The following GRM5 variants were observed in gnomAD, a reference collection of about 807,000 sequenced individuals.
The protein encoded by GRM5 is glutamate metabotropic receptor 5.
GRM5 carries 19 observed loss-of-function variants against 83.1 expected under a neutral mutation model. The ratio of observed to expected loss-of-function variants is 0.23; its 90% CI spans 0.16 to 0.34. GRM5 has a LOEUF of 0.34. GRM5 is among the 10% of genes least tolerant of loss of function. GRM5 has a pLI of 1.00. For synonymous variants in GRM5, 675 were observed against 633.6 expected (o/e 1.07, Z -0.98); for missense variants, 1,160 against 1,588.3 (o/e 0.73, Z 4.58).
intron 3 of GRM5, among the ~76,000 whole-genome samples, chr11:88,661,441 A>G (rs925232272): frequency 6.6e-6 from 1 of 152,074 alleles, no homozygotes; most frequent in African/African-American, 2.4e-5. Context: ...GAATGTATTC[A>G]TTAGGCTGCA....
At chr11:89,029,059 G>C (rs1333889314) in intron 2 of GRM5, among the ~76,000 whole-genome samples, 4 of 151,580 alleles carry the variant, frequency 2.6e-5, no homozygotes, top group Admixed American at 6.6e-5. Flanking sequence ...GTGTTAGTTT[G>C]CTGAGAATGA....
intron 3 of GRM5, among the ~76,000 whole-genome samples, chr11:88,701,986 G>A (rs1442162219): frequency 6.6e-6 from 1 of 151,878 alleles, no homozygotes; most frequent in African/African-American, 2.4e-5. Context: ...CATTAATGCT[G>A]GCCAGTTGTT....
At chr11:89,050,734 A>G (rs1413702295) in intron 1 of GRM5, among the ~76,000 whole-genome samples, 4 of 152,232 alleles carry the variant, frequency 2.6e-5, no homozygotes, top group Non-Finnish European at 4.4e-5. Flanking sequence ...TAGACTGGAT[A>G]AAGAAAATGT....
intron 2 of GRM5, among the ~76,000 whole-genome samples, chr11:88,927,834 T>C (rs1318055458): frequency 6.6e-6 from 1 of 152,126 alleles, no homozygotes; most frequent in African/African-American, 2.4e-5. Context: ...TTTTAGGACA[T>C]TATTAATAGC....
chr11:89,005,616 T>C (rs991596644), intron 2 of GRM5, among the ~76,000 whole-genome samples: 1 of 152,184 alleles, frequency 6.6e-6, no homozygotes, highest in Non-Finnish European at 1.5e-5. Flanking sequence ...AGCTATAATA[T>C]ATCTATTTTT....
rs139001811 is a variant in GRM5 at position 88,686,224 on chromosome 11, T to G, written c.912-32821A>C. Among the ~76,000 whole-genome samples the G allele has an allele frequency of 6.2e-3, 938 of 152,328 alleles. 12 individuals carry two copies. The highest frequency in any genetic ancestry group is 0.022 in the African/African-American group (898 of 41,578). ...GACCTGGAGTCAAAGGAGATCATTTTGAACCTTTAAAATTTGACTGCCCTG... is the reference window on the plus strand; with the variant it reads ...GACCTGGAGTCAAAGGAGATCATTTGGAACCTTTAAAATTTGACTGCCCTG... On this transcript the variant is annotated intron_variant, in intron 3 of 9. Coordinates refer to ENST00000305447, the MANE Select transcript of GRM5 (RefSeq NM_001143831.3).
At chr11:88,873,671 A>G (rs1588248) in intron 2 of GRM5, among the ~76,000 whole-genome samples, 63,425 of 151,284 alleles carry the variant, frequency 0.42, 13,517 homozygotes, top group East Asian at 0.57. Flanking sequence ...ACAAATGAAA[A>G]TGGAAACCCA....
At chr11:88,737,927 C>A (rs999068910) in intron 3 of GRM5, among the ~76,000 whole-genome samples, 1 of 151,920 alleles carries the variant, frequency 6.6e-6, no homozygotes, top group African/African-American at 2.4e-5. Context: ...TGTTCATGAA[C>A]CTTTCCAACA....
chr11:88,897,028 A>C lies in GRM5; in HGVS notation c.662-46873T>G, dbSNP rs77647133. Among the ~76,000 whole-genome samples, 1,227 of 152,026 alleles carry C rather than the reference A, an allele frequency of 8.1e-3. 19 individuals are homozygous for C. Among genetic ancestry groups the C allele is most frequent in the African/African-American group, 0.028 (1,145 of 41,522 alleles). ...CCTGAACTCCAGGACAAAATACCCT[A>C]ATCAAACGAACTGCCCAACTAGTGT... On this transcript the variant is annotated intron_variant, in intron 2 of 9. Transcript: ENST00000305447.
chr11:88,945,529 C>G (rs1361476517), intron 2 of GRM5, among the ~76,000 whole-genome samples: 1 of 152,054 alleles, frequency 6.6e-6, no homozygotes, highest in Non-Finnish European at 1.5e-5. Flanking sequence ...CAGCATGGTA[C>G]TTGTACAAAC....
intron 2 of GRM5, among the ~76,000 whole-genome samples, chr11:88,952,351 T>C (rs1479772785): frequency 1.3e-5 from 2 of 152,236 alleles, no homozygotes; most frequent in Admixed American, 6.5e-5. Flanking sequence ...CTCAGTAGCA[T>C]TGTATAGATT....
rs1045437869 is a variant in GRM5, at chr11:88,606,916, A to G, written c.1148-1952T>C. ...GTAAAGCCAGAGCTTATCATTTTGG[A>G]AGAAATGTTTTCTTTAAGAAAGGTG... On this transcript the variant is annotated intron_variant, in intron 4 of 9. Transcript: ENST00000305447. Among the ~76,000 whole-genome samples, 4 of 151,664 alleles carry G rather than the reference A, an allele frequency of 2.6e-5. No individual in the cohort carries two copies. The East Asian group carries it at 7.7e-4, about 29-fold the overall frequency.
intron 3 of GRM5, among the ~76,000 whole-genome samples, chr11:88,715,225 TAATTG>T (rs1225916656): frequency 6.6e-6 from 1 of 151,738 alleles, no homozygotes; most frequent in Non-Finnish European, 1.5e-5. Context: ...TGAAAAAGAG[TAATTG>T]AATTGAATCT....
chr11:88,758,816 G>GAAGGA (rs1409960171), intron 3 of GRM5, among the ~76,000 whole-genome samples: 2 of 152,156 alleles, frequency 1.3e-5, no homozygotes, highest in Non-Finnish European at 2.9e-5. Flanking sequence ...TAAACTGGAA[G>GAAGGA]AATAAATATT....
chr11:88,578,018 C>G (rs574482622), intron 7 of GRM5, among the ~76,000 whole-genome samples: 1 of 152,010 alleles, frequency 6.6e-6, no homozygotes, highest in Non-Finnish European at 1.5e-5. Flanking sequence ...ATATACAAAA[C>G]GGTGTGACTC....
At chr11:88,929,105 C>A (rs189573853) in intron 2 of GRM5, among the ~76,000 whole-genome samples, 6 of 152,066 alleles carry the variant, frequency 3.9e-5, no homozygotes, top group Non-Finnish European at 5.9e-5. Context: ...ATAATAATAA[C>A]CAAATCATGG....
intron 8 of GRM5, among the ~76,000 whole-genome samples, chr11:88,556,814 T>G (rs1031558028): frequency 6.6e-6 from 1 of 152,128 alleles, no homozygotes; most frequent in Admixed American, 6.5e-5. Flanking sequence ...TATACCACAC[T>G]ACTTCTGTCA....
chr11:88,841,607 C>A (rs1049739631), intron 3 of GRM5, among the ~76,000 whole-genome samples: 1 of 152,136 alleles, frequency 6.6e-6, no homozygotes, highest in African/African-American at 2.4e-5. Context: ...CCTTTTCTTT[C>A]GTTATGTTGG....
chr11:88,790,183 A>G (rs2135473724), intron 3 of GRM5, among the ~76,000 whole-genome samples: 1 of 152,248 alleles, frequency 6.6e-6, no homozygotes, highest in East Asian at 1.9e-4. Flanking sequence ...AACTTCTAAG[A>G]ATTCTCCCAT....
Sources: gnomAD v4.1 joint callset for allele counts (sites outside exome capture counted in the v4.1 genomes callset) on GRCh38, gnomAD v4.1.1 for gene constraint, MANE v1.5 for transcripts, NCBI Gene and HGNC (gene_info 2026-07-23, HGNC 2026-07-21) for gene names.